NUP210L: variants seen among roughly 807,000 people sequenced by gnomAD.
NUP210L encodes nuclear pore membrane glycoprotein 210-like.
In NUP210L, 74 loss-of-function variants were observed where a neutral mutation model predicts 208.5. That is an observed-to-expected ratio of 0.35 (90% CI 0.29 to 0.43). The LOEUF (loss-of-function observed/expected upper bound fraction) is 0.43, where lower values mean the gene tolerates loss of function less well. Among genes scored for constraint, NUP210L ranks in the 20% least tolerant of loss-of-function variants. The pLI, the probability that NUP210L is intolerant of heterozygous loss-of-function variation, is 1.00. For synonymous variants in NUP210L, 780 were observed against 816.9 expected (o/e 0.95, Z 0.77); for missense variants, 1,843 against 2,289.4 (o/e 0.81, Z 3.98).
At chr1:154,055,598 G>T (rs1256461055) in intron 23 of NUP210L, among the ~76,000 whole-genome samples, 2 of 152,004 alleles carry the variant, frequency 1.3e-5, no homozygotes, top group Non-Finnish European at 2.9e-5. Flanking sequence ...GTCTCCCTAT[G>T]TTACCCAGGG....
At chr1:154,125,473 T>G (rs1657841826) in intron 10 of NUP210L, among the ~76,000 whole-genome samples, 1 of 149,682 alleles carries the variant, frequency 6.7e-6, no homozygotes, top group African/African-American at 2.5e-5. Flanking sequence ...AAAACAAAAA[T>G]TAGCCAGGTG....
chr1:154,087,770 A>G (rs1655699059), intron 16 of NUP210L, among the ~76,000 whole-genome samples: 1 of 152,214 alleles, frequency 6.6e-6, no homozygotes, highest in Non-Finnish European at 1.5e-5. Context: ...AAAATGCACT[A>G]CTGATACAGG....
intron 22 of NUP210L, among the ~76,000 whole-genome samples, chr1:154,057,258 TGA>T (rs1653918478): frequency 6.6e-6 from 1 of 152,146 alleles, no homozygotes; most frequent in African/African-American, 2.4e-5. Flanking sequence ...GATTGCAGCA[TGA>T]GTCACCACGC....
chr1:154,058,819 G>A (rs531291357), intron 20 of NUP210L, 126 bp from the exon 21 acceptor site: 35 of 838,456 alleles, frequency 4.2e-5, no homozygotes, highest in Admixed American at 3.8e-4. Flanking sequence ...ACTCTCAGAC[G>A]TCACGTAACA....
At chr1:154,018,961 A>T (rs749246922) in exon 33 of NUP210L, 1 of 1,614,098 alleles carries the variant, frequency 6.2e-7, no homozygotes, top group East Asian at 2.2e-5. Context: ...TACTCCTGGG[A>T]TGTCATGAAA....
At chr1:154,137,854 C>G (rs991799627) in intron 6 of NUP210L, among the ~76,000 whole-genome samples, 13 of 152,194 alleles carry the variant, frequency 8.5e-5, no homozygotes, top group African/African-American at 3.1e-4. Flanking sequence ...AGCCACCATG[C>G]CTGGCTAGTT....
chr1:154,092,378 C>CT (rs1166945485), intron 15 of NUP210L, among the ~76,000 whole-genome samples: 194 of 134,614 alleles, frequency 1.4e-3, no homozygotes, highest in Non-Finnish European at 1.8e-3. Flanking sequence ...CGCGCCCGGC[C>CT]TTTTTTTTTT....
At chr1:154,029,156 A>T (rs2147940695) in intron 28 of NUP210L, among the ~76,000 whole-genome samples, 1 of 151,016 alleles carries the variant, frequency 6.6e-6, no homozygotes, top group East Asian at 2.0e-4. Context: ...AGGCGGGCAG[A>T]TCACGAGGTC....
chr1:154,147,827 T>C (rs1396305290), intron 2 of NUP210L, among the ~76,000 whole-genome samples: 2 of 151,072 alleles, frequency 1.3e-5, no homozygotes, highest in Non-Finnish European at 3.0e-5. Flanking sequence ...GGCTAATTTT[T>C]TGTATTTTTA....
intron 33 of NUP210L, among the ~76,000 whole-genome samples, chr1:154,018,636 A>G (rs1651394870): frequency 6.6e-6 from 1 of 152,138 alleles, no homozygotes; most frequent in Admixed American, 6.6e-5. Context: ...TGATCTGCCA[A>G]CATATGTCAC....
At chr1:154,022,900 C>T (rs1183419212) in intron 31 of NUP210L, among the ~76,000 whole-genome samples, 1 of 151,904 alleles carries the variant, frequency 6.6e-6, no homozygotes, top group African/African-American at 2.4e-5. Context: ...TGGTCTCGAA[C>T]TCCTGGGCCC....
intron 13 of NUP210L, among the ~76,000 whole-genome samples, chr1:154,101,940 A>C (rs1353813077): frequency 6.6e-6 from 1 of 152,142 alleles, no homozygotes; most frequent in Non-Finnish European, 1.5e-5. Context: ...ACCTGAAGTC[A>C]GGAGTTCCAC....
chr1:154,062,567 C>CTTTTTTT (rs34499821), intron 17 of NUP210L, among the ~76,000 whole-genome samples: 399 of 74,978 alleles, frequency 5.3e-3, no homozygotes, highest in Middle Eastern at 0.014. Flanking sequence ...TTTCTTTTTC[C>CTTTTTTT]TTTTTTTTTT....
rs749115485 is a variant in NUP210L at position 154,135,774 on chromosome 1, G to C, written c.1009+40C>G. ...AAAGAACATGTCTAGGATGCTCAAG[G>C]AAGTGTAGACTGGCAGCTAAAACTT... On this transcript the variant is annotated intron_variant, in intron 7 of 39. Transcript: ENST00000368559. 1.9e-6 allele frequency: 3 copies of C among 1,549,918 alleles called. No homozygotes were observed. The Admixed American group carries it at 5.0e-5, about 26-fold the overall frequency.
At chr1:154,060,757 A>G (rs1571225259) in intron 19 of NUP210L, 116 bp from the exon 20 acceptor site, 1 of 787,448 alleles carries the variant, frequency 1.3e-6, no homozygotes, top group Non-Finnish European at 2.0e-6. Context: ...AAGTGAATAG[A>G]CAAAAGACAA....
At chr1:154,087,320 CAAA>C (rs1185085313) in intron 16 of NUP210L, among the ~76,000 whole-genome samples, 6 of 59,724 alleles carry the variant, frequency 1.0e-4, no homozygotes, top group African/African-American at 1.5e-4. Flanking sequence ...AGCTCCATCT[CAAA>C]AAAAAAAAAA....
intron 27 of NUP210L, among the ~76,000 whole-genome samples, chr1:154,030,671 G>C (rs1393045723): frequency 6.6e-6 from 1 of 152,110 alleles, no homozygotes; most frequent in Non-Finnish European, 1.5e-5. Context: ...CATAGAACCT[G>C]TAATAATCAC....
At chr1:154,152,637 C>T (rs1454192556) in intron 2 of NUP210L, 99 bp downstream of exon 2, 2 of 1,072,494 alleles carry the variant, frequency 1.9e-6, no homozygotes, top group African/African-American at 3.2e-5. Context: ...TCCCTTTGAT[C>T]ATTTGAAGCC....
At chr1:154,115,393 T>C (rs923051590) in intron 12 of NUP210L, among the ~76,000 whole-genome samples, 1 of 152,196 alleles carries the variant, frequency 6.6e-6, no homozygotes, top group East Asian at 1.9e-4. Context: ...CCACAGACAA[T>C]ATGTAAATGA....
Sources: gnomAD v4.1 joint callset for allele counts (sites outside exome capture counted in the v4.1 genomes callset) on GRCh38, gnomAD v4.1.1 for gene constraint, MANE v1.5 for transcripts, NCBI Gene and HGNC (gene_info 2026-07-23, HGNC 2026-07-21) for gene names.